Variants in SLC22A6 observed in about 807,000 individuals in gnomAD.
SLC22A6 encodes solute carrier family 22 member 6.
SLC22A6 carries 45 observed loss-of-function variants against 56.7 expected under a neutral mutation model. The ratio of observed to expected loss-of-function variants is 0.79; its 90% CI spans 0.63 to 1.02. The LOEUF is 1.02. Ranked by LOEUF, SLC22A6 falls within the 50% of genes least tolerant of loss-of-function variation. The pLI, the probability that SLC22A6 is intolerant of heterozygous loss-of-function variation, is 0.00. For synonymous variants in SLC22A6, 291 were observed against 295.9 expected (o/e 0.98, Z 0.17); for missense variants, 606 against 713.8 (o/e 0.85, Z 1.72).
Position 62,979,782 on chromosome 11 carries a change from G to T in SLC22A6, c.1204C>A (p.Leu402Met), listed in dbSNP as rs1276558704. 8 of 1,614,120 alleles carry T rather than the reference G, an allele frequency of 5.0e-6. No homozygotes were observed. Among genetic ancestry groups the T allele is most frequent in the Non-Finnish European group, 6.8e-6 (8 of 1,180,048 alleles). ...AGGATGCAGATGCCTGCCAGCAGCA[G>T]TGCAGCCATCTGGGCAGGCCGGCGA... ...LGRRPAQMAA[L>M]LLAGICILLN... The change falls in exon 7 of 10, where the codon CTG becomes ATG. Residue 402 changes from leucine (L) to methionine (M), a missense_variant. Coordinates refer to ENST00000360421, the MANE Select transcript of SLC22A6 (RefSeq NM_153276.3).
chr11:62,978,466 G>A (rs1487770630), intron 8 of SLC22A6, among the ~76,000 whole-genome samples: 2 of 151,836 alleles, frequency 1.3e-5, no homozygotes. Context: ...TCCTGCCTCA[G>A]CCTCCTGAGT....
Position 62,983,937 on chromosome 11 carries a change from G to T in SLC22A6, c.473+7C>A. On this transcript the variant is annotated splice_region_variant and intron_variant, in intron 2 of 9. Coordinates refer to ENST00000360421, the MANE Select transcript of SLC22A6 (RefSeq NM_153276.3). The surrounding 1 kb of genome is among the most constrained non-coding windows in gnomAD (Gnocchi z 4.5). The stretch of plus-strand genomic sequence containing the variant: ...AGCCCAGCCCCTTGACCCTACCCAG[G>T]ACTGACCTGTCTGCAAGGTAGCCGA... 1 of 1,604,026 alleles carries T rather than the reference G, an allele frequency of 6.2e-7. No individual in the cohort carries two copies. Among genetic ancestry groups the T allele is most frequent in the Non-Finnish European group, 8.5e-7 (1 of 1,171,672 alleles).
At chr11:62,979,402 G>T in intron 8 of SLC22A6, 86 bp downstream of exon 8, 1 of 959,410 alleles carries the variant, frequency 1.0e-6, no homozygotes. Flanking sequence ...GGATGTACTT[G>T]ATTTAGCTCT....
Position 62,984,303 on chromosome 11 carries a change from G to C in SLC22A6, c.369+19C>G. On this transcript the variant is annotated intron_variant, in intron 1 of 9. Transcript: ENST00000360421. ...ATCTTCCCATCTTGGCCCCTGGATG[G>C]GGAGCCCCAGGTGCTCACCTCAGTC... 6.2e-7 allele frequency: 1 copy of C among 1,610,570 alleles called. No homozygotes were observed. Among genetic ancestry groups the C allele is most frequent in the Non-Finnish European group, 8.5e-7 (1 of 1,179,376 alleles).
In SLC22A6 at chr11:62,980,944, G is replaced by A. The variant is rs11568615; in HGVS notation, c.1037+41C>T. 126 of 1,525,252 alleles carry A rather than the reference G, an allele frequency of 8.3e-5. 1 individual carries two copies. The African/African-American group carries it at 1.3e-3, about 15-fold the overall frequency. The allele number at this position is 1,525,252 out of a possible 1,614,324, so 94.5% of individuals were successfully genotyped here. ...ACCCATTGTGTCTCCTCCTGCCCCA[G>A]CCAGCCTTTTGTCTCAGTCTGTCTG... On this transcript the variant is annotated intron_variant, in intron 6 of 9. Transcript: ENST00000360421.
In SLC22A6 at chr11:62,981,401, G is replaced by C. The variant is rs750966390; in HGVS notation, c.798-18C>G. ...TGAAGAACCTGGGAGCGGGGGTGGGGGTGGGTGTCAGCATGGCTTCAGTTC... is the reference window on the plus strand; with the variant it reads ...TGAAGAACCTGGGAGCGGGGGTGGGCGTGGGTGTCAGCATGGCTTCAGTTC... On this transcript the variant is annotated intron_variant, in intron 4 of 9. Coordinates refer to ENST00000360421, the MANE Select transcript of SLC22A6 (RefSeq NM_153276.3). The C allele has an allele frequency of 1.4e-6, 2 of 1,462,152 alleles. No homozygotes were observed. Among genetic ancestry groups the C allele is most frequent in the Admixed American group, 2.0e-5 (1 of 50,180 alleles). 90.6% of individuals were successfully genotyped at this position (1,462,152 alleles called of 1,614,324 possible). A position where few individuals can be genotyped will look rare whatever the true frequency, so the allele number is the denominator to read the frequency against.
chr11:62,976,956 G>A (rs1198320319), intron 9 of SLC22A6, 75 bp from the exon 10 acceptor site: 1 of 1,553,582 alleles, frequency 6.4e-7, no homozygotes, highest in African/African-American at 1.4e-5. Flanking sequence ...GGCTCCCAGG[G>A]GGTCTCCGCT....
At chr11:62,981,431 C>A in intron 4 of SLC22A6, 48 bp from the exon 5 acceptor site, 1 of 940,488 alleles carries the variant, frequency 1.1e-6, no homozygotes, top group South Asian at 2.9e-5. Flanking sequence ...CAGTTCCAGT[C>A]AGCTGGGTGG....
At position 62,983,815 on chromosome 11, in the gene SLC22A6, T is replaced by C. The variant is rs2086284187; in HGVS notation, c.474-124A>G. 3.4e-6 allele frequency: 4 copies of C among 1,191,642 alleles called. 1 individual carries two copies. The Admixed American group carries it at 7.6e-5, about 23-fold the overall frequency. 73.8% of individuals were successfully genotyped at this position (1,191,642 alleles called of 1,614,324 possible). On this transcript the variant is annotated intron_variant, in intron 2 of 9. Coordinates refer to ENST00000360421, the MANE Select transcript of SLC22A6 (RefSeq NM_153276.3). This position sits in a 1 kb window ranked among gnomAD's most constrained non-coding sequence, Gnocchi z 4.5. ...GGGCCTTTTGAGGACCTCTGAAGTA[T>C]GAGGCTGGTGCTGTAGATCCTCAAA... is the stretch of plus-strand genomic sequence containing the variant.
At position 62,979,780 on chromosome 11, in the gene SLC22A6, C is replaced by A. The variant is rs775915632; in HGVS notation, c.1206G>T (p.Leu402=). Residue 402 remains leucine, a synonymous_variant, in exon 7 of 10, where the codon CTG becomes CTT. Transcript: ENST00000360421. ...LGRRPAQMAA[L]LLAGICILLN... is the part of the protein sequence containing the mutation. ...GCAGGATGCAGATGCCTGCCAGCAG[C>A]AGTGCAGCCATCTGGGCAGGCCGGC... 2 of 1,614,050 alleles carry A rather than the reference C, an allele frequency of 1.2e-6. No homozygotes were observed. The highest frequency in any genetic ancestry group is 1.3e-5 in the African/African-American group (1 of 74,926).
rs557822230 is a variant in SLC22A6 at position 62,981,906 on chromosome 11, G to A, written c.733C>T (p.Pro245Ser). 3.7e-6 allele frequency: 6 copies of A among 1,614,038 alleles called. No individual in the cohort carries two copies. In the African/African-American group the frequency reaches 6.7e-5, roughly 18 times the overall value. The change falls in exon 4 of 10, where the codon CCC (proline) becomes TCC (serine). Residue 245 changes from proline (P) to serine (S), a missense_variant. Physicochemically the swap from Pro to Ser is moderately conservative, Grantham distance 74 (BLOSUM62 -1). Transcript: ENST00000360421. ...AGTAGCTGCAGGTGGCGCCAGTGGG[G>A]CACAGCGTAGGCCACACCAGCCAGG... ...FLLAGVAYAVPHWRHLQLLVS... is the reference protein window; with the variant it reads ...FLLAGVAYAVSHWRHLQLLVS...
rs569918381 is a variant in SLC22A6 at position 62,983,291 on chromosome 11, G to A, written c.628+246C>T. ...GATCTCCTGACCTCGTGATCTGCCC[G>A]CCTCGGCCTCCGAAAGTGCTGGGAT... On this transcript the variant is annotated intron_variant, in intron 3 of 9. Coordinates refer to ENST00000360421, the MANE Select transcript of SLC22A6 (RefSeq NM_153276.3). This position sits in a 1 kb window ranked among gnomAD's most constrained non-coding sequence, Gnocchi z 4.5. Among the ~76,000 whole-genome samples, 3 of 152,120 alleles carry A rather than the reference G, an allele frequency of 2.0e-5. No individual in the cohort carries two copies. Among genetic ancestry groups the A allele is most frequent in the Non-Finnish European group, 2.9e-5 (2 of 68,008 alleles).
At position 62,984,661 on chromosome 11, in the gene SLC22A6, C is replaced by G. The variant is rs148086982; in HGVS notation, c.30G>C (p.Val10=). 33 of 1,613,522 alleles carry G rather than the reference C, an allele frequency of 2.0e-5. No homozygotes were observed. The highest frequency in any genetic ancestry group is 4.0e-5 in the African/African-American group (3 of 74,926). The change falls in exon 1 of 10, where the codon GTG becomes GTC. Residue 10 remains valine (V), a synonymous_variant. Coordinates refer to ENST00000360421, the MANE Select transcript of SLC22A6 (RefSeq NM_153276.3). ...TCTGCTGGAAGCGGCCGACACCCCC[C>G]ACCTGCTGCAGGAGGTCATTAAAGG... MAFNDLLQQ[V]GGVGRFQQIQ... is the part of the protein sequence containing the mutation.
At chr11:62,980,136 T>C (rs1422739921) in intron 6 of SLC22A6, among the ~76,000 whole-genome samples, 188 bp from the exon 7 acceptor site, 1 of 152,234 alleles carries the variant, frequency 6.6e-6, no homozygotes, top group Non-Finnish European at 1.5e-5. Flanking sequence ...CCTGTAATAC[T>C]CCAAATTTGC....
At chr11:62,978,678 G>A (rs1294958381) in intron 8 of SLC22A6, among the ~76,000 whole-genome samples, 1 of 145,360 alleles carries the variant, frequency 6.9e-6, no homozygotes, top group Non-Finnish European at 1.5e-5. Context: ...TGCAAGCTCC[G>A]CCTCCCGGGT....
rs769759281 is a variant in SLC22A6 at position 62,979,491 on chromosome 11, A to G, written c.1358T>C (p.Ile453Thr). The G allele has an allele frequency of 1.9e-6, 3 of 1,586,756 alleles. No individual in the cohort carries two copies. The highest frequency in any genetic ancestry group is 1.7e-5 in the Admixed American group (1 of 59,986). ...CTCCCATTAGGCTCCCACTCACCGGATCATTGTGGGATACAGTTCCCCAGT... is the reference window on the plus strand; with the variant it reads ...CTCCCATTAGGCTCCCACTCACCGGGTCATTGTGGGATACAGTTCCCCAGT... ...LYTGELYPTM[I>T]RQTGMGMGST... is the part of the protein sequence containing the mutation. Residue 453 changes from isoleucine (I) to threonine (T), a missense_variant, in exon 8 of 10, where the codon ATC (isoleucine) becomes ACC (threonine). Ile to Thr is a moderately conservative substitution (Grantham distance 89, BLOSUM62 -1). Coordinates refer to ENST00000360421, the MANE Select transcript of SLC22A6 (RefSeq NM_153276.3).
chr11:62,984,569 G>A lies in SLC22A6; in HGVS notation c.122C>T (p.Thr41Ile), dbSNP rs1214034828. The A allele has an allele frequency of 6.2e-7, 1 of 1,613,578 alleles. No individual in the cohort carries two copies. The highest frequency in any genetic ancestry group is 8.5e-7 in the Non-Finnish European group (1 of 1,179,808). ...GCAGTGGTGGGTAGGGATGGCAGCA[G>A]TGAAGTTCTGCAGGGTGTTGTGAGA... ...MASHNTLQNF[T>I]AAIPTHHCRP... The change falls in exon 1 of 10, where the codon ACT (threonine) becomes ATT (isoleucine). Residue 41 changes from threonine (T) to isoleucine (I), a missense_variant. Coordinates refer to ENST00000360421, the MANE Select transcript of SLC22A6 (RefSeq NM_153276.3).
intron 6 of SLC22A6, 56 bp from the exon 7 acceptor site, chr11:62,980,004 C>T (rs995469670): frequency 7.6e-6 from 10 of 1,313,500 alleles, no homozygotes; most frequent in African/African-American, 1.4e-5. Flanking sequence ...AAGTGGGGTG[C>T]TCTTTCAAAA....
At chr11:62,984,080 TG>T in intron 1 of SLC22A6, 33 bp from the exon 2 acceptor site, 1 of 1,479,600 alleles carries the variant, frequency 6.8e-7, no homozygotes, top group South Asian at 1.2e-5. Flanking sequence ...CAGGCAGAGA[TG>T]AGCCTGGCTT....
Sources: gnomAD v4.1 joint callset for allele counts (sites outside exome capture counted in the v4.1 genomes callset) on GRCh38, gnomAD v4.1.1 for gene constraint, Gnocchi (gnomAD v3.1) non-coding constraint, MANE v1.5 for transcripts, NCBI Gene and HGNC (gene_info 2026-07-23, HGNC 2026-07-21) for gene names.